SHANK2: variants seen among roughly 807,000 people sequenced by gnomAD.
The protein encoded by SHANK2 is SH3 and multiple ankyrin repeat domains protein 2.
Under a neutral mutation model 133.7 loss-of-function variants are expected in SHANK2, and 43 were observed. The observed-to-expected ratio is 0.32, with a 90% CI of 0.25 to 0.41. SHANK2 has a LOEUF of 0.41. SHANK2 is among the 10% of genes least tolerant of loss of function. The pLI is 1.00. For synonymous variants in SHANK2, 1,017 were observed against 952.8 expected, an observed-to-expected ratio of 1.07 and a Z score of -1.24; for missense variants, 1,994 against 2,235.8, an observed-to-expected ratio of 0.89 and a Z score of 2.18.
rs1464413290 is a variant in SHANK2 at position 70,807,752 on chromosome 11, C to T, written c.1494-581G>A. 1.3e-5 allele frequency among the ~76,000 whole-genome samples: 2 copies of T among 152,072 alleles called. No individual in the cohort carries two copies. The highest frequency in any genetic ancestry group is 4.8e-5 in the African/African-American group (2 of 41,404). On this transcript the variant is annotated intron_variant, in intron 12 of 25. Coordinates refer to ENST00000601538, the MANE Select transcript of SHANK2 (RefSeq NM_012309.5). This position sits in a 1 kb window ranked among gnomAD's most constrained non-coding sequence, Gnocchi z 4.8. ...GGCTGAGGCAGGAGAATTGCTTAAACCTGGGAGGCGGAGGTTGCGGTGAGC... is the reference window on the plus strand; with the variant it reads ...GGCTGAGGCAGGAGAATTGCTTAAATCTGGGAGGCGGAGGTTGCGGTGAGC...
chr11:71,224,779 C>T lies in SHANK2; in HGVS notation c.-95G>A, dbSNP rs186860762. 2.2e-4 allele frequency: 33 copies of T among 152,348 alleles called. No individual in the cohort carries two copies. Among genetic ancestry groups the T allele is most frequent in the African/African-American group, 7.7e-4 (32 of 41,550 alleles). 9.4% of individuals were successfully genotyped at this position (152,348 alleles called of 1,614,324 possible). A position where few individuals can be genotyped will look rare whatever the true frequency, so the allele number is the denominator to read the frequency against. ...ATTCTAGAGGGCCAAAGCAGGGTGCCTGGAGAGATTTCCAGACCTGTGGAG... is the reference window on the plus strand; with the variant it reads ...ATTCTAGAGGGCCAAAGCAGGGTGCTTGGAGAGATTTCCAGACCTGTGGAG... On this transcript the variant is annotated 5_prime_UTR_variant, in exon 2 of 26. Transcript: ENST00000601538.
intron 21 of SHANK2, among the ~76,000 whole-genome samples, chr11:70,493,851 C>A (rs2058931757): frequency 6.6e-6 from 1 of 152,194 alleles, no homozygotes; most frequent in Non-Finnish European, 1.5e-5. Flanking sequence ...TATGCTAGGG[C>A]CTTGCCCAGA....
At chr11:71,149,503 C>T (rs782540629) in intron 2 of SHANK2, among the ~76,000 whole-genome samples, 2 of 152,164 alleles carry the variant, frequency 1.3e-5, no homozygotes, top group Non-Finnish European at 2.9e-5. Context: ...AAGCTGTAGG[C>T]ACTTTTTCAG....
intron 10 of SHANK2, among the ~76,000 whole-genome samples, chr11:70,933,657 T>C (rs1177146124): frequency 6.6e-6 from 1 of 152,184 alleles, no homozygotes; most frequent in Non-Finnish European, 1.5e-5. Flanking sequence ...TGGTGGCTCA[T>C]GCCTGTAATC....
At chr11:70,649,863 C>T (rs1163540956) in intron 17 of SHANK2, among the ~76,000 whole-genome samples, 2 of 152,222 alleles carry the variant, frequency 1.3e-5, no homozygotes, top group East Asian at 1.9e-4. Context: ...CAGACAGACA[C>T]AGTGCAAAAG....
At chr11:70,558,914 G>A (rs1458122795) in intron 17 of SHANK2, among the ~76,000 whole-genome samples, 1 of 152,230 alleles carries the variant, frequency 6.6e-6, no homozygotes, top group Non-Finnish European at 1.5e-5. Context: ...CAGCGCGTCT[G>A]CACACGGAAG....
chr11:71,081,086 C>T (rs1017186662), intron 8 of SHANK2, among the ~76,000 whole-genome samples: 4 of 152,152 alleles, frequency 2.6e-5, no homozygotes, highest in Non-Finnish European at 2.9e-5. Context: ...TTAGGGGGCC[C>T]CTAATCCCAT....
At chr11:70,736,170 C>T (rs1469016156) in intron 14 of SHANK2, among the ~76,000 whole-genome samples, 2 of 152,026 alleles carry the variant, frequency 1.3e-5, no homozygotes, top group African/African-American at 4.8e-5. Flanking sequence ...ACCACACACA[C>T]CTGTGTTCAC....
Position 70,639,263 on chromosome 11 carries a change from C to A in SHANK2, c.2061+20565G>T, listed in dbSNP as rs527970225. Among the ~76,000 whole-genome samples the A allele has an allele frequency of 1.9e-4, 29 of 152,294 alleles. No individual in the cohort carries two copies. In the South Asian group the frequency reaches 5.8e-3, roughly 30 times the overall value. ...TGAAAGGGAGTCTCAGTCCATCAGGCCTTTGCTCAGGGTGCCGTAGCAAAA... is the reference window on the plus strand; with the variant it reads ...TGAAAGGGAGTCTCAGTCCATCAGGACTTTGCTCAGGGTGCCGTAGCAAAA... On this transcript the variant is annotated intron_variant, in intron 17 of 25. Transcript: ENST00000601538.
At chr11:70,754,989 G>A (rs1180117841) in intron 14 of SHANK2, among the ~76,000 whole-genome samples, 2 of 151,970 alleles carry the variant, frequency 1.3e-5, no homozygotes, top group East Asian at 1.9e-4. Flanking sequence ...AAAATAATAA[G>A]TAACGATACT....
At chr11:71,182,035 G>A (rs532419371) in intron 2 of SHANK2, among the ~76,000 whole-genome samples, 9 of 152,256 alleles carry the variant, frequency 5.9e-5, no homozygotes, top group Middle Eastern at 3.4e-3. Flanking sequence ...CATAGAGGAT[G>A]GCTGTGATGA....
chr11:71,147,114 G>A lies in SHANK2; in HGVS notation c.207+6C>T. The A allele has an allele frequency of 1.3e-6, 2 of 1,543,818 alleles. No homozygotes were observed. The highest frequency in any genetic ancestry group is 1.7e-6 in the Non-Finnish European group (2 of 1,144,936). On this transcript the variant is annotated splice_donor_region_variant and intron_variant, in intron 3 of 25. Coordinates refer to ENST00000601538, the MANE Select transcript of SHANK2 (RefSeq NM_012309.5). ...TGTGAACCAAAGGGCAGACCACGGGGCTCACCGTCTGCTGCAGGTCATGGA... is the reference window on the plus strand; with the variant it reads ...TGTGAACCAAAGGGCAGACCACGGGACTCACCGTCTGCTGCAGGTCATGGA...
intron 10 of SHANK2, among the ~76,000 whole-genome samples, chr11:70,916,725 C>T (rs965826655): frequency 1.3e-5 from 2 of 152,172 alleles, no homozygotes; most frequent in Non-Finnish European, 2.9e-5. Flanking sequence ...TTGCAAAATG[C>T]TAATGTGACT....
intron 18 of SHANK2, 37 bp downstream of exon 18, chr11:70,502,759 G>C: frequency 1.1e-6 from 1 of 926,898 alleles, no homozygotes; most frequent in South Asian, 2.7e-5. Flanking sequence ...CCCCCAGTAG[G>C]GCCCCAGGCT....
chr11:70,897,382 A>G (rs1461635727), intron 10 of SHANK2, among the ~76,000 whole-genome samples: 1 of 152,244 alleles, frequency 6.6e-6, no homozygotes, highest in Non-Finnish European at 1.5e-5. Flanking sequence ...CGCTGATGTC[A>G]AGTCATAATG....
At chr11:71,100,623 C>T (rs147122210) in intron 6 of SHANK2, among the ~76,000 whole-genome samples, 7 of 152,324 alleles carry the variant, frequency 4.6e-5, no homozygotes, top group South Asian at 2.1e-4. Context: ...AATCCCAGCA[C>T]ATTGGGACGC....
In SHANK2 at chr11:70,535,825, G is replaced by T. The variant is rs1210787539; in HGVS notation, c.2062-32894C>A. On this transcript the variant is annotated intron_variant, in intron 17 of 25. Transcript: ENST00000601538. The surrounding 1 kb of genome is among the most constrained non-coding windows in gnomAD (Gnocchi z 4.3). ...TCCGCTGGCAGGGAGCTGGGCCCAG[G>T]CACTTGGGAAGCTTGGGAGCCTGAG... Among the ~76,000 whole-genome samples, 3 of 152,226 alleles carry T rather than the reference G, an allele frequency of 2.0e-5. No individual in the cohort carries two copies. The highest frequency in any genetic ancestry group is 7.2e-5 in the African/African-American group (3 of 41,450).
intron 9 of SHANK2, among the ~76,000 whole-genome samples, chr11:71,067,955 GTCACCACCATCC>G (rs1454587126): frequency 6.7e-6 from 1 of 149,554 alleles, no homozygotes; most frequent in African/African-American, 2.5e-5. Context: ...CATTATCACT[GTCACCACCATCC>G]TCACCACCAT....
At chr11:70,815,163 G>A (rs1019473688) in intron 12 of SHANK2, among the ~76,000 whole-genome samples, 1 of 141,128 alleles carries the variant, frequency 7.1e-6, no homozygotes, top group Non-Finnish European at 1.5e-5. Context: ...CCTTTAGGAG[G>A]ATGGGAGAAG....
Sources: allele counts gnomAD v4.1 joint callset (sites outside exome capture counted in the v4.1 genomes callset), GRCh38; gene constraint gnomAD v4.1.1; non-coding constraint Gnocchi (gnomAD v3.1); transcripts MANE v1.5; gene names NCBI Gene and HGNC (gene_info 2026-07-23, HGNC 2026-07-21).